The following HJURP variants were observed in gnomAD, a reference collection of about 807,000 sequenced individuals.
HJURP encodes 14-3-3-associated AKT substrate.
Under a neutral mutation model 72.0 loss-of-function variants are expected in HJURP, and 49 were observed. The ratio of observed to expected loss-of-function variants is 0.68; its 90% CI spans 0.54 to 0.86. HJURP has a LOEUF of 0.86. Among genes scored for constraint, HJURP ranks in the 40% least tolerant of loss-of-function variants. The pLI is 0.00. For synonymous variants in HJURP, 357 were observed against 347.1 expected (o/e 1.03, Z -0.32); for missense variants, 908 against 936.3 (o/e 0.97, Z 0.39).
chr2:233,841,365 G>GCAGGAC lies in HJURP; in HGVS notation c.1409_1414dup (p.Gly470_Pro471dup). ...TAAGCCCTGAAGGCCACCAGGACTCGCAGGACCCCCTCTGTACATGTTCAT... is the reference window on the plus strand; with the variant it reads ...TAAGCCCTGAAGGCCACCAGGACTCGCAGGACCAGGACCCCCTCTGTACATGTTCAT... On this transcript the variant is annotated inframe_insertion, in exon 8 of 9. Coordinates refer to ENST00000411486, the MANE Select transcript of HJURP (RefSeq NM_018410.5). The GCAGGAC allele has an allele frequency of 1.9e-6, 3 of 1,614,040 alleles. No individual in the cohort carries two copies. The highest frequency in any genetic ancestry group is 2.5e-6 in the Non-Finnish European group (3 of 1,180,016).
intron 7 of HJURP, among the ~76,000 whole-genome samples, chr2:233,842,787 AG>A (rs1705264768): frequency 6.6e-6 from 1 of 152,256 alleles, no homozygotes; most frequent in South Asian, 2.1e-4. Context: ...ATGGTTGTGA[AG>A]AGTGGTAGCA....
chr2:233,851,765 G>C (rs1446065940), intron 3 of HJURP, among the ~76,000 whole-genome samples: 13 of 152,176 alleles, frequency 8.5e-5, no homozygotes, highest in Admixed American at 8.5e-4. Flanking sequence ...TTATGTAGTT[G>C]TATGTACTTT....
At position 233,840,857 on chromosome 2, in the gene HJURP, T is replaced by A; in HGVS notation, c.1923A>T (p.Ser641=). Residue 641 remains serine (S), a synonymous_variant, in exon 8 of 9, where the codon TCA becomes TCT. Coordinates refer to ENST00000411486, the MANE Select transcript of HJURP (RefSeq NM_018410.5). ...PHFQGFQKLP[S]SPLGCRKSLL... is the part of the protein sequence containing the mutation. ...GACTTTTTCTGCACCCCAGGGGTGA[T>A]GATGGCAACTTCTGGAAACCCTGGA... 1 of 1,614,140 alleles carries A rather than the reference T, an allele frequency of 6.2e-7. No individual in the cohort carries two copies. Among genetic ancestry groups the A allele is most frequent in the Non-Finnish European group, 8.5e-7 (1 of 1,180,022 alleles).
At position 233,854,407 on chromosome 2, in the gene HJURP, G is replaced by T; in HGVS notation, c.94C>A (p.Arg32Ser). 3.7e-6 allele frequency: 6 copies of T among 1,605,664 alleles called. No homozygotes were observed. Among genetic ancestry groups the T allele is most frequent in the Non-Finnish European group, 5.1e-6 (6 of 1,177,108 alleles). Residue 32 changes from arginine to serine, a missense_variant, in exon 1 of 9, where the codon CGC becomes AGC. Arg to Ser is a moderately radical substitution (Grantham distance 110). This residue lies in a region of HJURP where 299 missense variants were observed against 286.7 expected (regional missense o/e 1.04). Transcript: ENST00000411486. Reference protein sequence around the residue: ...LRASRRRFQRRMQRLIEKYNQ... With the variant: ...LRASRRRFQRSMQRLIEKYNQ... The stretch of plus-strand genomic sequence containing the variant: ...ACCTTCTCTATCAGCCGCTGCATGC[G>T]CCTCTGGAAGCGGCGGCGACTGGCC...
At position 233,837,309 on chromosome 2, in the gene HJURP, CAAACAA is replaced by C; in HGVS notation, c.*262_*267del. The stretch of plus-strand genomic sequence containing the variant: ...AAAAACAAACAAACAAACAAACAAA[CAAACAA>C]ATAACCCCCCCCCAAAAAAAACACA... On this transcript the variant is annotated 3_prime_UTR_variant, in exon 9 of 9. Coordinates refer to ENST00000411486, the MANE Select transcript of HJURP (RefSeq NM_018410.5). 1 of 265,986 alleles carries C rather than the reference CAAACAA, an allele frequency of 3.8e-6. No individual in the cohort carries two copies. The highest frequency in any genetic ancestry group is 6.9e-6 in the Non-Finnish European group (1 of 144,022). The allele number at this position is 265,986 out of a possible 1,614,324, so 16.5% of individuals were successfully genotyped here. A position where few individuals can be genotyped will look rare whatever the true frequency, so the allele number is the denominator to read the frequency against.
rs200790105 is a variant in HJURP, at chr2:233,841,136, A to G, written c.1644T>C (p.Ser548=). The part of the protein sequence containing the change: ...QTSDLHVQGN[S]SGIFRKSVSP... ...ACACTGACTTTCTAAATATTCCAGA[A>G]CTATTTCCCTGAACGTGAAGGTCAG... The change falls in exon 8 of 9, where the codon AGT becomes AGC. Residue 548 remains serine, a synonymous_variant. Coordinates refer to ENST00000411486, the MANE Select transcript of HJURP (RefSeq NM_018410.5). The G allele has an allele frequency of 1.2e-6, 2 of 1,614,126 alleles. No individual in the cohort carries two copies. Among genetic ancestry groups the G allele is most frequent in the East Asian group, 2.2e-5 (1 of 44,876 alleles).
Position 233,840,592 on chromosome 2 carries a change from AACAGAAACAC to A in HJURP, c.2171+7_2171+16del. On this transcript the variant is annotated splice_region_variant and intron_variant, in intron 8 of 8. Transcript: ENST00000411486. The stretch of plus-strand genomic sequence containing the variant: ...TCACTCACATAAACCACATTCAACC[AACAGAAACAC>A]ACCTACCTCTCTTCTGAGTTGGGCT... 1 of 1,554,620 alleles carries A rather than the reference AACAGAAACAC, an allele frequency of 6.4e-7. No homozygotes were observed. The highest frequency in any genetic ancestry group is 8.7e-7 in the Non-Finnish European group (1 of 1,155,638).
At chr2:233,848,080 A>G (rs1173878624) in intron 4 of HJURP, among the ~76,000 whole-genome samples, 1 of 152,140 alleles carries the variant, frequency 6.6e-6, no homozygotes, top group African/African-American at 2.4e-5. Flanking sequence ...GAGCTTTCCA[A>G]TTCTACTCTG....
intron 4 of HJURP, among the ~76,000 whole-genome samples, chr2:233,848,994 C>T (rs1339401127): frequency 3.3e-5 from 5 of 152,150 alleles, no homozygotes; most frequent in Admixed American, 2.0e-4. Flanking sequence ...CAATGGAGAG[C>T]GCAAAACCCA....
In HJURP at chr2:233,841,427, G is replaced by A. The variant is rs1244760724; in HGVS notation, c.1353C>T (p.Asn451=). 7 of 1,614,182 alleles carry A rather than the reference G, an allele frequency of 4.3e-6. No individual in the cohort carries two copies. Among genetic ancestry groups the A allele is most frequent in the African/African-American group, 1.3e-5 (1 of 75,034 alleles). ...LHREYCLSPR[N]QPRRMCLPDS... is the part of the protein sequence containing the mutation. ...CCGGGAGGCACATCCGGCGAGGCTG[G>A]TTCCTGGGACTCAGGCAATATTCCC... Residue 451 remains asparagine (N), a synonymous_variant, in exon 8 of 9, where the codon AAC becomes AAT. Transcript: ENST00000411486.
chr2:233,843,969 G>A (rs879675865), intron 7 of HJURP, among the ~76,000 whole-genome samples: 16 of 152,196 alleles, frequency 1.1e-4, no homozygotes, highest in Non-Finnish European at 2.4e-4. Flanking sequence ...TTCTGGAGAT[G>A]CAAAACTTTT....
At chr2:233,853,948 G>T (rs1004599146) in intron 1 of HJURP, 38 bp from the exon 2 acceptor site, 7 of 1,590,978 alleles carry the variant, frequency 4.4e-6, no homozygotes, top group Non-Finnish European at 6.0e-6. Flanking sequence ...AGGTTCCAGG[G>T]CCACGAGGGG....
intron 2 of HJURP, 77 bp from the exon 3 acceptor site, chr2:233,852,697 G>T: frequency 1.8e-6 from 2 of 1,084,742 alleles, no homozygotes; most frequent in Non-Finnish European, 1.4e-6. Flanking sequence ...TTCACCAGAT[G>T]CCAAAGTGAC....
At chr2:233,839,807 G>A (rs1705175879) in intron 8 of HJURP, among the ~76,000 whole-genome samples, 1 of 152,116 alleles carries the variant, frequency 6.6e-6, no homozygotes, top group African/African-American at 2.4e-5. Flanking sequence ...CTGGAGACAC[G>A]GCCTCACCTG....
In HJURP at chr2:233,853,835, G is replaced by A. The variant is rs1268783223; in HGVS notation, c.184+9C>T. The A allele has an allele frequency of 1.2e-6, 2 of 1,610,876 alleles. No homozygotes were observed. Among genetic ancestry groups the A allele is most frequent in the Non-Finnish European group, 1.7e-6 (2 of 1,177,340 alleles). On this transcript the variant is annotated intron_variant, in intron 2 of 8. Coordinates refer to ENST00000411486, the MANE Select transcript of HJURP (RefSeq NM_018410.5). The stretch of plus-strand genomic sequence containing the variant: ...ACCCGAATACTCAGAAGGTGGGGAA[G>A]ACCCTTACCCTGTGGCGTCTCGTAG...
At position 233,854,384 on chromosome 2, in the gene HJURP, C is replaced by T. The variant is rs766722354; in HGVS notation, c.117G>A (p.Lys39=). 4.4e-6 allele frequency: 7 copies of T among 1,584,588 alleles called. No individual in the cohort carries two copies. The South Asian group carries it at 5.7e-5, about 13-fold the overall frequency. ...FQRRMQRLIE[K]YNQPFEDTPV... is the part of the protein sequence containing the mutation. Reference sequence around the variant, plus strand: ...CCCGGCGGACCGGCGGGGGCCGCACCTTCTCTATCAGCCGCTGCATGCGCC... The same window carrying T: ...CCCGGCGGACCGGCGGGGGCCGCACTTTCTCTATCAGCCGCTGCATGCGCC... The change falls in exon 1 of 9, where the codon AAG becomes AAA. Residue 39 remains lysine (K), a splice_region_variant and synonymous_variant. Coordinates refer to ENST00000411486, the MANE Select transcript of HJURP (RefSeq NM_018410.5).
At position 233,847,380 on chromosome 2, in the gene HJURP, C is replaced by T; in HGVS notation, c.402+17G>A. 3 of 1,607,464 alleles carry T rather than the reference C, an allele frequency of 1.9e-6. No homozygotes were observed. The highest frequency in any genetic ancestry group is 2.6e-6 in the Non-Finnish European group (3 of 1,173,898). On this transcript the variant is annotated intron_variant, in intron 5 of 8. Coordinates refer to ENST00000411486, the MANE Select transcript of HJURP (RefSeq NM_018410.5). The stretch of plus-strand genomic sequence containing the variant: ...AAGCGCCCCCTCTGTCCATTCATTA[C>T]TAAAGGCAGCACTTACTGCTAAGGC...
Position 233,840,854 on chromosome 2 carries a change from T to G in HJURP, c.1926A>C (p.Ser642=). Residue 642 remains serine, a synonymous_variant, in exon 8 of 9, where the codon TCA becomes TCC. Transcript: ENST00000411486. The part of the protein sequence containing the change: ...HFQGFQKLPS[S]PLGCRKSLLG... ...GTAGACTTTTTCTGCACCCCAGGGG[T>G]GATGATGGCAACTTCTGGAAACCCT... 1 of 1,613,912 alleles carries G rather than the reference T, an allele frequency of 6.2e-7. No homozygotes were observed. The highest frequency in any genetic ancestry group is 8.5e-7 in the Non-Finnish European group (1 of 1,179,992).
chr2:233,852,899 C>T (rs887268305), intron 2 of HJURP, among the ~76,000 whole-genome samples: 4 of 152,138 alleles, frequency 2.6e-5, no homozygotes, highest in African/African-American at 9.7e-5. Context: ...CATATGACAG[C>T]GACTGTCCTT....
Sources: gnomAD v4.1 joint callset for allele counts (sites outside exome capture counted in the v4.1 genomes callset) on GRCh38, gnomAD v4.1.1 for gene constraint, gnomAD v4.1.1 regional missense constraint, MANE v1.5 for transcripts, NCBI Gene and HGNC (gene_info 2026-07-23, HGNC 2026-07-21) for gene names.